Variants in SMAD1 observed in about 807,000 individuals in gnomAD.
SMAD1 encodes MAD, mothers against decapentaplegic homolog 1.
Under a neutral mutation model 41.6 loss-of-function variants are expected in SMAD1, and 6 were observed. The ratio of observed to expected loss-of-function variants is 0.14; its 90% CI spans 0.08 to 0.28. The LOEUF is 0.28. Ranked by LOEUF, SMAD1 falls within the 10% of genes least tolerant of loss-of-function variation. SMAD1 has a pLI of 1.00. For synonymous variants in SMAD1, 206 were observed against 203.2 expected (o/e 1.01, Z -0.12); for missense variants, 379 against 582.6 (o/e 0.65, Z 3.60).
chr4:145,491,099 A>ATTT (rs1728745546), intron 1 of SMAD1, among the ~76,000 whole-genome samples: 1 of 152,224 alleles, frequency 6.6e-6, no homozygotes, highest in Non-Finnish European at 1.5e-5. Context: ...AACTTTTTAT[A>ATTT]GATTTGATAG....
chr4:145,519,287 G>T (rs1311323839), intron 2 of SMAD1, among the ~76,000 whole-genome samples: 2 of 69,584 alleles, frequency 2.9e-5, no homozygotes, highest in Non-Finnish European at 1.1e-4. Context: ...GTAAAGATGG[G>T]GTTTTACCAT....
chr4:145,554,494 A>C (rs1390022242), intron 6 of SMAD1, among the ~76,000 whole-genome samples: 1 of 152,146 alleles, frequency 6.6e-6, no homozygotes, highest in Non-Finnish European at 1.5e-5. Flanking sequence ...ATTAAAGTTC[A>C]TCACATTGGA....
intron 2 of SMAD1, among the ~76,000 whole-genome samples, chr4:145,519,421 A>T (rs772427541): frequency 6.8e-6 from 1 of 146,212 alleles, no homozygotes; most frequent in Non-Finnish European, 1.5e-5. Flanking sequence ...TCACCATACT[A>T]ATTTCTTTTT....
Position 145,518,828 on chromosome 4 carries a change from C to T in SMAD1, c.400+3815C>T, listed in dbSNP as rs1047414528. ...TTTAGAGTAGTGGTTTTCAAAGTGT[C>T]GTCCACAGAGTAGTAGCATCAGTAC... On this transcript the variant is annotated intron_variant, in intron 2 of 6. Coordinates refer to ENST00000302085, the MANE Select transcript of SMAD1 (RefSeq NM_005900.3). Among the ~76,000 whole-genome samples, 3 of 124,684 alleles carry T rather than the reference C, an allele frequency of 2.4e-5. 1 individual carries two copies. Among genetic ancestry groups the T allele is most frequent in the Non-Finnish European group, 3.9e-5 (2 of 50,652 alleles). 81.8% of individuals were successfully genotyped at this position (124,684 alleles called of 152,430 possible).
intron 1 of SMAD1, among the ~76,000 whole-genome samples, chr4:145,488,629 G>A (rs113320915): frequency 0.025 from 3,746 of 151,976 alleles, 167 homozygotes; most frequent in African/African-American, 0.086. Context: ...TTATAATTAG[G>A]CATTAATTAA....
chr4:145,546,809 G>A lies in SMAD1; in HGVS notation c.882G>A (p.Val294=). The A allele has an allele frequency of 6.2e-7, 1 of 1,613,770 alleles. No individual in the cohort carries two copies. Among genetic ancestry groups the A allele is most frequent in the Non-Finnish European group, 8.5e-7 (1 of 1,179,652 alleles). ...GEAFHASSTS[V]LVDGFTDPSN... is the part of the protein sequence containing the mutation. ...CGTTCCATGCCTCCTCCACAAGTGT[G>A]TTGGTGGATGGTTTCACTGATCCTT... The change falls in exon 5 of 7, where the codon GTG becomes GTA. Residue 294 remains valine, a synonymous_variant. Coordinates refer to ENST00000302085, the MANE Select transcript of SMAD1 (RefSeq NM_005900.3).
chr4:145,502,043 A>G (rs1729474095), intron 1 of SMAD1, among the ~76,000 whole-genome samples: 1 of 152,216 alleles, frequency 6.6e-6, no homozygotes, highest in South Asian at 2.1e-4. Flanking sequence ...GTAGTCTAAA[A>G]TTGCTATTTT....
intron 3 of SMAD1, among the ~76,000 whole-genome samples, chr4:145,541,554 G>GA (rs1303956792): frequency 6.6e-6 from 1 of 152,218 alleles, no homozygotes; most frequent in Non-Finnish European, 1.5e-5. Flanking sequence ...GGCATCCAGA[G>GA]AAGGTCCCAG....
At chr4:145,491,786 C>T (rs538436835) in intron 1 of SMAD1, among the ~76,000 whole-genome samples, 115 of 152,236 alleles carry the variant, frequency 7.6e-4, no homozygotes, top group African/African-American at 2.7e-3. Flanking sequence ...AGTCACCTGG[C>T]GTAGATGATG....
At position 145,557,829 on chromosome 4, in the gene SMAD1, C is replaced by T; in HGVS notation, c.1293C>T (p.Ser431=). 1 of 1,611,506 alleles carries T rather than the reference C, an allele frequency of 6.2e-7. No homozygotes were observed. The highest frequency in any genetic ancestry group is 8.5e-7 in the Non-Finnish European group (1 of 1,178,188). ...AATACCACCGCCAGGATGTTACTAGCACCCCCTGCTGGATTGAGATACATC... is the reference window on the plus strand; with the variant it reads ...AATACCACCGCCAGGATGTTACTAGTACCCCCTGCTGGATTGAGATACATC... ...GAEYHRQDVT[S]TPCWIEIHLH... is the part of the protein sequence containing the mutation. The change falls in exon 7 of 7, where the codon AGC becomes AGT. Residue 431 remains serine (S), a synonymous_variant. Transcript: ENST00000302085.
intron 2 of SMAD1, among the ~76,000 whole-genome samples, chr4:145,526,200 A>C (rs1268737659): frequency 6.6e-6 from 1 of 152,236 alleles, no homozygotes; most frequent in Non-Finnish European, 1.5e-5. Flanking sequence ...AAGAAGAGTG[A>C]TTTTATAAGG....
intron 1 of SMAD1, among the ~76,000 whole-genome samples, chr4:145,485,120 G>A (rs1176027548): frequency 6.6e-6 from 1 of 152,124 alleles, no homozygotes; most frequent in Non-Finnish European, 1.5e-5. Context: ...CCAGGCTGGA[G>A]TGCAGTGGCA....
At chr4:145,505,369 T>A (rs748058425) in intron 1 of SMAD1, among the ~76,000 whole-genome samples, 1 of 152,202 alleles carries the variant, frequency 6.6e-6, no homozygotes, top group African/African-American at 2.4e-5. Context: ...GATCACTTTC[T>A]ACAACATGTC....
In SMAD1 at chr4:145,552,872, T is replaced by C. The variant is rs182900509; in HGVS notation, c.998-912T>C. Among the ~76,000 whole-genome samples the C allele has an allele frequency of 2.3e-3, 346 of 151,652 alleles. 1 individual carries two copies. Among genetic ancestry groups the C allele is most frequent in the Non-Finnish European group, 3.4e-3 (232 of 68,002 alleles). On this transcript the variant is annotated intron_variant, in intron 5 of 6. Coordinates refer to ENST00000302085, the MANE Select transcript of SMAD1 (RefSeq NM_005900.3). ...GTGGCCAAATAGGACATTAATCACT[T>C]ACCAAAATGAAATTGCTACATGTTG... is the stretch of plus-strand genomic sequence containing the variant.
chr4:145,542,653 A>T lies in SMAD1; in HGVS notation c.730A>T (p.Thr244Ser), dbSNP rs1434999063. The change falls in exon 4 of 7, where the codon ACA becomes TCA. Residue 244 changes from threonine to serine, a missense_variant. By Grantham distance (58) the Thr-to-Ser change is moderately conservative. This residue lies in a region of SMAD1 where 208 missense variants were observed against 210.5 expected (regional missense o/e 0.99). Coordinates refer to ENST00000302085, the MANE Select transcript of SMAD1 (RefSeq NM_005900.3). ...MTQDGSQPMD[T>S]NMMAPPLPSE... ...CCAGGATGGCTCTCAGCCGATGGAC[A>T]CAAACATGATGGCGCCTCCCCTGCC... The T allele has an allele frequency of 1.9e-6, 3 of 1,613,470 alleles. No individual in the cohort carries two copies. Among genetic ancestry groups the T allele is most frequent in the South Asian group, 1.1e-5 (1 of 90,834 alleles).
At chr4:145,522,513 C>T (rs1025034950) in intron 2 of SMAD1, among the ~76,000 whole-genome samples, 8 of 151,838 alleles carry the variant, frequency 5.3e-5, no homozygotes, top group Admixed American at 4.6e-4. Context: ...GCAGGAGAAT[C>T]GCTTGAACCT....
intron 4 of SMAD1, chr4:145,544,629 T>C (rs1732145570): frequency 6.6e-6 from 1 of 152,136 alleles, no homozygotes; most frequent in African/African-American, 2.4e-5. Flanking sequence ...AAAGGACCTT[T>C]CTTGGATGTG....
intron 1 of SMAD1, among the ~76,000 whole-genome samples, chr4:145,494,728 G>A (rs1238729492): frequency 6.6e-6 from 1 of 152,176 alleles, no homozygotes; most frequent in Non-Finnish European, 1.5e-5. Context: ...TTTTCATTTT[G>A]TTGTTTTTAG....
chr4:145,506,360 T>C (rs1387279855), intron 1 of SMAD1, among the ~76,000 whole-genome samples: 1 of 152,182 alleles, frequency 6.6e-6, no homozygotes, highest in Non-Finnish European at 1.5e-5. Flanking sequence ...CATTTGACAA[T>C]AGACCATTTA....
Sources: gnomAD v4.1 joint callset for allele counts (sites outside exome capture counted in the v4.1 genomes callset) on GRCh38, gnomAD v4.1.1 for gene constraint, gnomAD v4.1.1 regional missense constraint, MANE v1.5 for transcripts, NCBI Gene and HGNC (gene_info 2026-07-23, HGNC 2026-07-21) for gene names.